Variants in FAM76B observed in about 807,000 individuals in gnomAD.
FAM76B encodes family with sequence similarity 76 member B, also known as protein FAM76B.
Under a neutral mutation model 51.8 loss-of-function variants are expected in FAM76B, and 16 were observed. The ratio of observed to expected loss-of-function variants is 0.31; its 90% CI spans 0.21 to 0.47. The LOEUF (loss-of-function observed/expected upper bound fraction) is 0.47. Among genes scored for constraint, FAM76B ranks in the 20% least tolerant of loss-of-function variants. FAM76B has a pLI of 1.00. For synonymous variants in FAM76B, 166 were observed against 129.5 expected (o/e 1.28, Z -1.91); for missense variants, 342 against 392.6 (o/e 0.87, Z 1.09).
Position 95,789,568 on chromosome 11 carries a change from C to T in FAM76B, c.-90G>A, listed in dbSNP as rs980584348. The T allele has an allele frequency of 5.1e-5, 58 of 1,146,460 alleles. No individual in the cohort carries two copies. Among genetic ancestry groups the T allele is most frequent in the Non-Finnish European group, 6.6e-5 (54 of 813,846 alleles). 71.0% of individuals were successfully genotyped at this position (1,146,460 alleles called of 1,614,324 possible). A position where few individuals can be genotyped will look rare whatever the true frequency, so the allele number is the denominator to read the frequency against. On this transcript the variant is annotated 5_prime_UTR_variant, in exon 1 of 10. Coordinates refer to ENST00000358780, the MANE Select transcript of FAM76B (RefSeq NM_144664.5). ...GAGCCGCCGCCGCCCGGGCCGCGGG[C>T]TCCTCCTCCTCCCCCTCCCCCTGCC...
At chr11:95,779,831 A>G (rs1429895167) in intron 6 of FAM76B, 48 bp downstream of exon 6, 2 of 1,572,430 alleles carry the variant, frequency 1.3e-6, no homozygotes, top group Admixed American at 3.7e-5. Flanking sequence ...TATCACATTT[A>G]TAAATATACA....
Position 95,789,578 on chromosome 11 carries a change from T to A in FAM76B, c.-100A>T. 2.0e-6 allele frequency: 2 copies of A among 1,014,582 alleles called. No individual in the cohort carries two copies. Among genetic ancestry groups the A allele is most frequent in the South Asian group, 1.6e-5 (1 of 62,582 alleles). 62.8% of individuals were successfully genotyped at this position (1,014,582 alleles called of 1,614,324 possible). A position where few individuals can be genotyped will look rare whatever the true frequency, so the allele number is the denominator to read the frequency against. On this transcript the variant is annotated 5_prime_UTR_variant, in exon 1 of 10. Transcript: ENST00000358780. ...CGCCCGGGCCGCGGGCTCCTCCTCC[T>A]CCCCCTCCCCCTGCCTCGCGCCCAC...
At chr11:95,789,012 A>G in intron 1 of FAM76B, 2 of 1,362,032 alleles carry the variant, frequency 1.5e-6, no homozygotes, top group Non-Finnish European at 1.9e-6. Flanking sequence ...AAGTGCAAAA[A>G]CCGTCCCCTG....
chr11:95,772,113 T>C (rs1249838247), intron 9 of FAM76B, among the ~76,000 whole-genome samples: 3 of 151,184 alleles, frequency 2.0e-5, no homozygotes, highest in South Asian at 2.1e-4. Context: ...TACTCTCTTG[T>C]AGAACAAGCA....
intron 9 of FAM76B, among the ~76,000 whole-genome samples, chr11:95,772,717 T>G (rs2120178345): frequency 6.6e-6 from 1 of 151,196 alleles, no homozygotes; most frequent in African/African-American, 2.4e-5. Flanking sequence ...TAATTTTAGC[T>G]TTTTACGGGC....
At chr11:95,783,761 A>T (rs1044841707) in intron 4 of FAM76B, among the ~76,000 whole-genome samples, 5 of 152,212 alleles carry the variant, frequency 3.3e-5, no homozygotes, top group African/African-American at 1.2e-4. Context: ...TGTAACCCAA[A>T]AATCAAGACT....
chr11:95,788,041 T>C (rs1170450796), intron 2 of FAM76B, among the ~76,000 whole-genome samples: 3 of 152,154 alleles, frequency 2.0e-5, no homozygotes, highest in Non-Finnish European at 4.4e-5. Flanking sequence ...TATGAAGAAA[T>C]TATTTGTTCT....
intron 5 of FAM76B, among the ~76,000 whole-genome samples, chr11:95,782,677 G>C (rs991018882): frequency 6.6e-6 from 1 of 151,878 alleles, no homozygotes; most frequent in Non-Finnish European, 1.5e-5. Flanking sequence ...GGTTTGTTTC[G>C]ATTTGTTTTT....
At chr11:95,777,546 T>C (rs1230287671) in intron 8 of FAM76B, among the ~76,000 whole-genome samples, 2 of 151,464 alleles carry the variant, frequency 1.3e-5, no homozygotes, top group African/African-American at 2.4e-5. Flanking sequence ...CTCTAAAACT[T>C]TGTACACAGG....
intron 8 of FAM76B, among the ~76,000 whole-genome samples, chr11:95,777,318 T>C (rs1332614868): frequency 6.6e-6 from 1 of 151,286 alleles, no homozygotes; most frequent in Non-Finnish European, 1.5e-5. Flanking sequence ...CCCATTAGTG[T>C]TGTGATTTTT....
chr11:95,777,341 A>C (rs1192294509), intron 8 of FAM76B, among the ~76,000 whole-genome samples: 1 of 151,318 alleles, frequency 6.6e-6, no homozygotes, highest in African/African-American at 2.4e-5. Context: ...AAAGAGGAAC[A>C]CTAACAAAAG....
intron 3 of FAM76B, 93 bp downstream of exon 3, chr11:95,787,531 T>C (rs1313288): frequency 0.52 from 660,533 of 1,281,550 alleles, 175,809 homozygotes; most frequent in African/African-American, 0.86. Flanking sequence ...TGAGCCACTG[T>C]GCCCAGCCAG....
chr11:95,789,175 G>T lies in FAM76B; in HGVS notation c.87+217C>A, dbSNP rs568630832. ...ACGGGGCCCGGCACCCTCCTGGGCC[G>T]CCTGGAAAAGGGCACGATTCTGCCT... On this transcript the variant is annotated intron_variant, in intron 1 of 9. Transcript: ENST00000358780. 1.6e-5 allele frequency: 17 copies of T among 1,058,696 alleles called. No homozygotes were observed. In the Admixed American group the frequency reaches 3.5e-4, roughly 22 times the overall value. The allele number at this position is 1,058,696 out of a possible 1,614,324, so 65.6% of individuals were successfully genotyped here.
At chr11:95,783,876 C>T (rs1390885923) in intron 4 of FAM76B, among the ~76,000 whole-genome samples, 2 of 152,138 alleles carry the variant, frequency 1.3e-5, no homozygotes, top group Non-Finnish European at 2.9e-5. Flanking sequence ...TGATGCTCTG[C>T]CTCATTTATT....
intron 2 of FAM76B, 83 bp downstream of exon 2, chr11:95,788,416 T>A: frequency 8.8e-7 from 1 of 1,139,274 alleles, no homozygotes; most frequent in African/African-American, 1.6e-5. Flanking sequence ...AATACTTTCA[T>A]AAAAACATGG....
rs1473215889 is a variant in FAM76B, at chr11:95,789,256, G to C, written c.87+136C>G. 3.9e-6 allele frequency: 4 copies of C among 1,028,978 alleles called. No homozygotes were observed. In the African/African-American group the frequency reaches 4.9e-5, roughly 13 times the overall value. The allele number at this position is 1,028,978 out of a possible 1,614,324, so 63.7% of individuals were successfully genotyped here. On this transcript the variant is annotated intron_variant, in intron 1 of 9. Transcript: ENST00000358780. ...CAAGCCCCCAGAAAAAGGGGTCCCC[G>C]AGTGGGGAGGCGAGGGCTCCAGACT...
At position 95,775,944 on chromosome 11, in the gene FAM76B, T is replaced by C. The variant is rs756871193; in HGVS notation, c.908A>G (p.Lys303Arg). ...TACCTGAAGTTGTTCCACAGTTTCT[T>C]TGTGGGCTTTTTCCATACTGTTCAT... is the stretch of plus-strand genomic sequence containing the variant. ...TKMNSMEKAH[K>R]ETVEQLQAKN... The change falls in exon 9 of 10, where the codon AAA becomes AGA. Residue 303 changes from lysine to arginine, a missense_variant. Lys to Arg is a conservative substitution (Grantham distance 26). This residue lies in a region of FAM76B where 230 missense variants were observed against 257.4 expected (regional missense o/e 0.89). Coordinates refer to ENST00000358780, the MANE Select transcript of FAM76B (RefSeq NM_144664.5). 9 of 1,590,468 alleles carry C rather than the reference T, an allele frequency of 5.7e-6. No individual in the cohort carries two copies. In the South Asian group the frequency reaches 9.2e-5, roughly 16 times the overall value.
rs546569255 is a variant in FAM76B at position 95,782,729 on chromosome 11, A to C, written c.563+336T>G. On this transcript the variant is annotated intron_variant, in intron 5 of 9. Transcript: ENST00000358780. ...AACTAAAATATAATTTTTCAAATAA[A>C]ACCTTAACAATTATTTAAACAAAAA... Among the ~76,000 whole-genome samples the C allele has an allele frequency of 3.9e-5, 6 of 152,306 alleles. No individual in the cohort carries two copies. The South Asian group carries it at 1.0e-3, about 26-fold the overall frequency.
chr11:95,772,485 G>A (rs1194199123), intron 9 of FAM76B, among the ~76,000 whole-genome samples: 1 of 150,702 alleles, frequency 6.6e-6, no homozygotes, highest in Non-Finnish European at 1.5e-5. Flanking sequence ...TGAAAACTTA[G>A]ATAGTAAGGA....
Sources: allele counts gnomAD v4.1 joint callset (sites outside exome capture counted in the v4.1 genomes callset), GRCh38; gene constraint gnomAD v4.1.1; regional missense constraint gnomAD v4.1.1; transcripts MANE v1.5; gene names NCBI Gene and HGNC (gene_info 2026-07-23, HGNC 2026-07-21).